CYB5R4: variants seen among roughly 807,000 people sequenced by gnomAD.
CYB5R4 encodes N-terminal cytochrome b5 and cytochrome b5 oxidoreductase domain-containing protein.
In CYB5R4, 55 loss-of-function variants were observed where a neutral mutation model predicts 70.2. The observed-to-expected ratio is 0.78, with a 90% CI of 0.63 to 0.98. CYB5R4 has a LOEUF of 0.98. Among genes scored for constraint, CYB5R4 ranks in the 50% least tolerant of loss-of-function variants. CYB5R4 has a pLI of 0.00. For synonymous variants in CYB5R4, 197 were observed against 199.5 expected, an observed-to-expected ratio of 0.99 and a Z score of 0.11; for missense variants, 562 against 612.6, an observed-to-expected ratio of 0.92 and a Z score of 0.87.
At chr6:83,923,953 C>G (rs1198275939) in intron 9 of CYB5R4, among the ~76,000 whole-genome samples, 1 of 150,362 alleles carries the variant, frequency 6.7e-6, no homozygotes, top group African/African-American at 2.4e-5. Flanking sequence ...GCCTGTAGTC[C>G]CAGCTACTCA....
intron 2 of CYB5R4, among the ~76,000 whole-genome samples, chr6:83,884,754 T>C (rs1297173769): frequency 6.6e-6 from 1 of 152,150 alleles, no homozygotes; most frequent in East Asian, 1.9e-4. Context: ...GTTTATTTTA[T>C]AGACAGGAAA....
chr6:83,918,728 C>G (rs1472854881), intron 6 of CYB5R4, among the ~76,000 whole-genome samples: 1 of 151,968 alleles, frequency 6.6e-6, no homozygotes, highest in African/African-American at 2.4e-5. Context: ...ACTTAAAATG[C>G]CTTCAGGTGT....
chr6:83,891,080 G>A (rs1202284532), intron 2 of CYB5R4, among the ~76,000 whole-genome samples: 7 of 151,996 alleles, frequency 4.6e-5, no homozygotes, highest in Non-Finnish European at 1.0e-4. Context: ...GTAGCAGGGG[G>A]ACTACAGGCA....
At chr6:83,911,453 A>G (rs1047407752) in intron 4 of CYB5R4, among the ~76,000 whole-genome samples, 4 of 152,184 alleles carry the variant, frequency 2.6e-5, no homozygotes, top group Non-Finnish European at 5.9e-5. Context: ...ATCCCTGGCA[A>G]CAAGACTGAG....
At chr6:83,891,067 C>CA (rs1224377218) in intron 2 of CYB5R4, among the ~76,000 whole-genome samples, 1 of 152,048 alleles carries the variant, frequency 6.6e-6, no homozygotes, top group Non-Finnish European at 1.5e-5. Context: ...CTCAGCCTCC[C>CA]AAGTAGCAGG....
chr6:83,881,390 G>A (rs1445493600), intron 2 of CYB5R4, among the ~76,000 whole-genome samples: 1 of 152,034 alleles, frequency 6.6e-6, no homozygotes, highest in Non-Finnish European at 1.5e-5. Flanking sequence ...GCCCAGGCTG[G>A]TCTCAAACTT....
Position 83,919,438 on chromosome 6 carries a change from T to C in CYB5R4, c.548T>C (p.Ile183Thr). The change falls in exon 7 of 16, where the codon ATA (isoleucine) becomes ACA (threonine). Residue 183 changes from isoleucine (I) to threonine (T), a missense_variant. Physicochemically the swap from Ile to Thr is moderately conservative, Grantham distance 89. Transcript: ENST00000369681. Reference protein sequence around the residue: ...FQTDSLVTIAIYTKQKDINLD... With the variant: ...FQTDSLVTIATYTKQKDINLD... Reference sequence around the variant, plus strand: ...ACAGACTCTTTAGTCACCATTGCCATATATACTAAACAGAAGGTAAATATG... The same window carrying C: ...ACAGACTCTTTAGTCACCATTGCCACATATACTAAACAGAAGGTAAATATG... The C allele has an allele frequency of 1.3e-6, 2 of 1,515,116 alleles. No homozygotes were observed. Among genetic ancestry groups the C allele is most frequent in the East Asian group, 4.7e-5 (2 of 42,880 alleles). 93.9% of individuals were successfully genotyped at this position (1,515,116 alleles called of 1,614,324 possible).
chr6:83,946,117 C>CA (rs1203082473), intron 14 of CYB5R4, among the ~76,000 whole-genome samples: 1 of 151,954 alleles, frequency 6.6e-6, no homozygotes, highest in Non-Finnish European at 1.5e-5. Flanking sequence ...AGAGATGCAA[C>CA]AAAAAAAGAA....
Position 83,927,994 on chromosome 6 carries a change from C to T in CYB5R4, c.814+3402C>T, listed in dbSNP as rs371336135. On this transcript the variant is annotated intron_variant, in intron 10 of 15. Transcript: ENST00000369681. Reference sequence around the variant, plus strand: ...AGGGATTTAGGAATTCTGTTTAAGACACTTGTAGTACTTAGGAGATTACAG... The same window carrying T: ...AGGGATTTAGGAATTCTGTTTAAGATACTTGTAGTACTTAGGAGATTACAG... Among the ~76,000 whole-genome samples, 18 of 152,286 alleles carry T rather than the reference C, an allele frequency of 1.2e-4. No individual in the cohort carries two copies. The South Asian group carries it at 3.5e-3, about 30-fold the overall frequency.
intron 3 of CYB5R4, among the ~76,000 whole-genome samples, chr6:83,897,085 G>A (rs549703169): frequency 4.5e-4 from 65 of 143,434 alleles, no homozygotes; most frequent in East Asian, 1.1e-3. Flanking sequence ...AACAGGCCCC[G>A]GTGTGTGATG....
chr6:83,935,029 C>A (rs2099468713), intron 11 of CYB5R4, among the ~76,000 whole-genome samples: 1 of 152,102 alleles, frequency 6.6e-6, no homozygotes, highest in Non-Finnish European at 1.5e-5. Flanking sequence ...TGAGAGACTG[C>A]ACAAATAGTC....
At chr6:83,949,041 G>C in intron 14 of CYB5R4, among the ~76,000 whole-genome samples, 1 of 150,100 alleles carries the variant, frequency 6.7e-6, no homozygotes, top group East Asian at 2.0e-4. Context: ...TGGAGACTTT[G>C]TTGTCCTTGC....
At chr6:83,908,951 T>C in intron 3 of CYB5R4, 58 bp from the exon 4 acceptor site, 3 of 1,436,398 alleles carry the variant, frequency 2.1e-6, no homozygotes, top group Non-Finnish European at 2.9e-6. Flanking sequence ...CGTACTAAAA[T>C]GAGAGCATCC....
chr6:83,912,658 A>G (rs912349637), intron 4 of CYB5R4, among the ~76,000 whole-genome samples: 11 of 152,264 alleles, frequency 7.2e-5, no homozygotes, highest in Non-Finnish European at 1.2e-4. Context: ...TGATGGAATT[A>G]GTTACCAAGA....
intron 10 of CYB5R4, among the ~76,000 whole-genome samples, chr6:83,927,876 C>T (rs1168188340): frequency 4.6e-5 from 7 of 152,226 alleles, no homozygotes; most frequent in African/African-American, 1.7e-4. Context: ...GGTTGGTTTC[C>T]CAGGCAGACA....
At chr6:83,923,172 A>C (rs2099466684) in intron 9 of CYB5R4, among the ~76,000 whole-genome samples, 1 of 152,048 alleles carries the variant, frequency 6.6e-6, no homozygotes, top group Non-Finnish European at 1.5e-5. Context: ...TTAAATGTTT[A>C]ATGTTGAGAG....
intron 15 of CYB5R4, among the ~76,000 whole-genome samples, chr6:83,957,968 G>C (rs1430598990): frequency 6.6e-6 from 1 of 152,066 alleles, no homozygotes; most frequent in East Asian, 1.9e-4. Context: ...TCTTATTATA[G>C]TTTTTGCTGT....
At chr6:83,914,285 C>G in intron 4 of CYB5R4, 131 bp from the exon 5 acceptor site, 1 of 965,170 alleles carries the variant, frequency 1.0e-6, no homozygotes, top group Non-Finnish European at 1.5e-6. Context: ...TGGCCTGTTT[C>G]TCTCCTCAGG....
intron 4 of CYB5R4, among the ~76,000 whole-genome samples, chr6:83,912,350 T>A (rs2099464832): frequency 6.6e-6 from 1 of 152,240 alleles, no homozygotes; most frequent in Admixed American, 6.5e-5. Flanking sequence ...TATGTCAATA[T>A]CGCTGTTAAG....
Sources: gnomAD v4.1 joint callset for allele counts (sites outside exome capture counted in the v4.1 genomes callset) on GRCh38, gnomAD v4.1.1 for gene constraint, MANE v1.5 for transcripts, NCBI Gene and HGNC (gene_info 2026-07-23, HGNC 2026-07-21) for gene names.